NISCH: variants seen among roughly 807,000 people sequenced by gnomAD.
The protein encoded by NISCH is nischarin, also known as I-1 receptor candidate protein.
A neutral mutation model predicts 138.4 loss-of-function variants in NISCH; 55 were observed. The ratio of observed to expected loss-of-function variants is 0.40; its 90% CI spans 0.32 to 0.50. The LOEUF (loss-of-function observed/expected upper bound fraction) is 0.50. Ranked by LOEUF, NISCH falls within the 20% of genes least tolerant of loss-of-function variation. The probability of loss-of-function intolerance (pLI) is 0.71; values close to 1 mark genes in which losing one functional copy is unlikely to be tolerated. For synonymous variants in NISCH, 860 were observed against 861.5 expected (o/e 1.00, Z 0.03); for missense variants, 1,643 against 2,005.5 (o/e 0.82, Z 3.45).
intron 13 of NISCH, among the ~76,000 whole-genome samples, chr3:52,482,832 C>A (rs1291516252): frequency 6.6e-6 from 1 of 152,206 alleles, no homozygotes; most frequent in Non-Finnish European, 1.5e-5. Flanking sequence ...CAGAGCTCCA[C>A]AGAGGTGGTC....
At chr3:52,471,151 G>C (rs571777869) in intron 4 of NISCH, 1 of 557,296 alleles carries the variant, frequency 1.8e-6, no homozygotes, top group Non-Finnish European at 3.2e-6. Flanking sequence ...CTGCTCCCTC[G>C]CACCTGGTTT....
chr3:52,482,771 AATAAC>A (rs1707310420), intron 13 of NISCH, among the ~76,000 whole-genome samples: 1 of 152,180 alleles, frequency 6.6e-6, no homozygotes, highest in Non-Finnish European at 1.5e-5. Context: ...AAATGTGGTA[AATAAC>A]GAGAGGCATG....
At chr3:52,480,927 T>TG in intron 13 of NISCH, 5 of 1,532,676 alleles carry the variant, frequency 3.3e-6, no homozygotes, top group Non-Finnish European at 4.4e-6. Context: ...GCGTGTCTGC[T>TG]GGCCCGGCCC....
intron 16 of NISCH, 82 bp downstream of exon 16, chr3:52,488,687 G>A: frequency 8.2e-7 from 1 of 1,214,718 alleles, no homozygotes; most frequent in Non-Finnish European, 1.1e-6. Context: ...GCTAGTGTGG[G>A]CTGGGAGTTG....
chr3:52,458,845 G>T lies in NISCH; in HGVS notation c.360+1G>T. The T allele has an allele frequency of 6.3e-7, 1 of 1,586,626 alleles. No individual in the cohort carries two copies. The highest frequency in any genetic ancestry group is 8.6e-7 in the Non-Finnish European group (1 of 1,169,276). On this transcript the variant is annotated splice_donor_variant, in intron 3 of 20. Transcript: ENST00000345716. LOFTEE classifies it high-confidence loss of function. ...CCACTTCTTGCATTTTCACTTCTAT[G>T]TAAGTTCCTCATCGGGTTTTCACCT... is the stretch of plus-strand genomic sequence containing the variant.
At chr3:52,464,340 ATGAG>A (rs1335013095) in intron 3 of NISCH, among the ~76,000 whole-genome samples, 1 of 151,878 alleles carries the variant, frequency 6.6e-6, no homozygotes, top group Non-Finnish European at 1.5e-5. Flanking sequence ...GAAGATTGCA[ATGAG>A]TGAGACCACA....
chr3:52,471,830 G>C lies in NISCH; in HGVS notation c.426G>C (p.Gly142=). Residue 142 remains glycine (G), a synonymous_variant, in exon 5 of 21, where the codon GGG becomes GGC. Transcript: ENST00000345716. The part of the protein sequence containing the change: ...ELFEKGEQLL[G]AGEVFAIGPL... ...CTCTTGCAGGAGAACAGCTCCTGGG[G>C]GCCGGCGAGGTCTTTGCCATTGGAC... is the stretch of plus-strand genomic sequence containing the variant. The C allele has an allele frequency of 6.2e-7, 1 of 1,613,992 alleles. No homozygotes were observed. The highest frequency in any genetic ancestry group is 8.5e-7 in the Non-Finnish European group (1 of 1,179,984).
At chr3:52,490,948 C>A in intron 19 of NISCH, 115 bp downstream of exon 19, 1 of 1,414,968 alleles carries the variant, frequency 7.1e-7, no homozygotes, top group Non-Finnish European at 9.7e-7. Flanking sequence ...TGCTCAAGAG[C>A]CACTTCTTAA....
chr3:52,477,922 C>T, intron 9 of NISCH, 175 bp from the exon 10 acceptor site: 2 of 721,128 alleles, frequency 2.8e-6, no homozygotes, highest in Non-Finnish European at 4.6e-6. Context: ...AGGGGTGCCA[C>T]TGTGCTGTGG....
intron 13 of NISCH, among the ~76,000 whole-genome samples, chr3:52,483,008 A>G (rs1346532972): frequency 2.6e-5 from 4 of 152,296 alleles, no homozygotes; most frequent in Non-Finnish European, 5.9e-5. Context: ...GAAGGTCTGC[A>G]GTGGAGGTGG....
intron 7 of NISCH, chr3:52,476,227 A>G: frequency 1.8e-6 from 1 of 558,730 alleles, no homozygotes; most frequent in Admixed American, 3.1e-5. Flanking sequence ...AAGCAGGGCC[A>G]GGACTTAATT....
intron 13 of NISCH, chr3:52,484,206 G>C (rs1278026233): frequency 3.0e-6 from 1 of 330,354 alleles, no homozygotes; most frequent in East Asian, 5.5e-5. Flanking sequence ...ATCTATCCTG[G>C]TTTTTAAAAA....
chr3:52,459,494 T>G (rs1320892584), intron 3 of NISCH, among the ~76,000 whole-genome samples: 2 of 152,158 alleles, frequency 1.3e-5, no homozygotes, highest in Non-Finnish European at 2.9e-5. Context: ...AGTGCAGTGG[T>G]GCGATCTCGG....
intron 13 of NISCH, among the ~76,000 whole-genome samples, chr3:52,483,136 A>G (rs972466289): frequency 6.6e-6 from 1 of 152,182 alleles, no homozygotes; most frequent in Non-Finnish European, 1.5e-5. Flanking sequence ...TGCTTCATGC[A>G]TGGCTGTGTG....
Position 52,490,874 on chromosome 3 carries a change from C to T in NISCH, c.3742+41C>T, listed in dbSNP as rs201766781. ...TGCTTTGTCCTATTTCGGGTGAAGG[C>T]CAGCATCACCAGTGGGCTTCCACCT... is the stretch of plus-strand genomic sequence containing the variant. On this transcript the variant is annotated intron_variant, in intron 19 of 20. Coordinates refer to ENST00000345716, the MANE Select transcript of NISCH (RefSeq NM_007184.4). The T allele has an allele frequency of 5.0e-6, 8 of 1,609,958 alleles. No homozygotes were observed. The East Asian group carries it at 1.3e-4, about 27-fold the overall frequency.
rs1707222772 is a variant in NISCH, at chr3:52,480,025, TG to T, written c.1417-155del. ...CAAGTCGCGGCCTCTCTGTTCTCTGTGGGGTGGGGACAGTGGTAGTTCCTGC... is the reference window on the plus strand; with the variant it reads ...CAAGTCGCGGCCTCTCTGTTCTCTGTGGGTGGGGACAGTGGTAGTTCCTGC... On this transcript the variant is annotated intron_variant, in intron 12 of 20. Coordinates refer to ENST00000345716, the MANE Select transcript of NISCH (RefSeq NM_007184.4). 7.2e-6 allele frequency: 7 copies of T among 965,810 alleles called. No homozygotes were observed. The Admixed American group carries it at 1.6e-4, about 23-fold the overall frequency. The allele number at this position is 965,810 out of a possible 1,614,324, so 59.8% of individuals were successfully genotyped here.
chr3:52,479,166 C>T (rs1707192891), intron 11 of NISCH, among the ~76,000 whole-genome samples: 1 of 152,228 alleles, frequency 6.6e-6, no homozygotes, highest in Non-Finnish European at 1.5e-5. Flanking sequence ...CTCCTCCCCT[C>T]CTGGGCTGCA....
chr3:52,471,164 G>C, intron 4 of NISCH: 1 of 545,578 alleles, frequency 1.8e-6, no homozygotes, highest in East Asian at 3.0e-5. Flanking sequence ...CCTGGTTTGT[G>C]CTTACCTGAA....
chr3:52,484,776 G>A (rs554988515), intron 14 of NISCH, 139 bp downstream of exon 14: 13 of 843,720 alleles, frequency 1.5e-5, no homozygotes, highest in Admixed American at 1.2e-4. Flanking sequence ...TTTGTGCCAC[G>A]GTCTTTCTCT....
Sources: gnomAD v4.1 joint callset for allele counts (sites outside exome capture counted in the v4.1 genomes callset) on GRCh38, gnomAD v4.1.1 for gene constraint, MANE v1.5 for transcripts, NCBI Gene and HGNC (gene_info 2026-07-23, HGNC 2026-07-21) for gene names.